Variants in SIDT1 observed in about 807,000 individuals in gnomAD.
SIDT1 encodes the protein SID1 transmembrane family member 1.
A neutral mutation model predicts 107.5 loss-of-function variants in SIDT1; 101 were observed. The observed-to-expected ratio is 0.94, with a 90% CI of 0.80 to 1.11. SIDT1 has a LOEUF of 1.11. Ranked by LOEUF, SIDT1 falls within the 50% of genes least tolerant of loss-of-function variation. The probability of loss-of-function intolerance (pLI) is 0.00; values close to 1 mark genes in which losing one functional copy is unlikely to be tolerated. For synonymous variants in SIDT1, 395 were observed against 398.2 expected, an observed-to-expected ratio of 0.99 and a Z score of 0.10; for missense variants, 1,076 against 1,058.2, an observed-to-expected ratio of 1.02 and a Z score of -0.23.
intron 4 of SIDT1, among the ~76,000 whole-genome samples, chr3:113,580,006 G>T (rs1025633389): frequency 1.3e-5 from 2 of 152,156 alleles, no homozygotes. Flanking sequence ...ACCTCAGCCT[G>T]CCCGCAATTG....
At chr3:113,546,536 A>G (rs1167183674) in intron 1 of SIDT1, among the ~76,000 whole-genome samples, 2 of 152,016 alleles carry the variant, frequency 1.3e-5, no homozygotes, top group African/African-American at 4.8e-5. Flanking sequence ...TAAGATTGCT[A>G]TCATGTTGAG....
chr3:113,551,935 G>A (rs957304368), intron 1 of SIDT1, among the ~76,000 whole-genome samples: 2 of 151,914 alleles, frequency 1.3e-5, no homozygotes, highest in African/African-American at 4.8e-5. Context: ...CGAGCAGTTG[G>A]CCTGTCTGTT....
intron 10 of SIDT1, among the ~76,000 whole-genome samples, chr3:113,600,155 C>A (rs1436867012): frequency 1.3e-5 from 2 of 151,808 alleles, no homozygotes; most frequent in Non-Finnish European, 2.9e-5. Flanking sequence ...ACTAAAAATA[C>A]AAAAATTAGC....
At chr3:113,554,266 T>C (rs1940595511) in intron 1 of SIDT1, among the ~76,000 whole-genome samples, 1 of 152,186 alleles carries the variant, frequency 6.6e-6, no homozygotes, top group Non-Finnish European at 1.5e-5. Flanking sequence ...CACGATTTAT[T>C]GCATGTTAAA....
At chr3:113,541,421 C>T (rs958322470) in intron 1 of SIDT1, among the ~76,000 whole-genome samples, 6 of 152,176 alleles carry the variant, frequency 3.9e-5, no homozygotes, top group Admixed American at 6.5e-5. Context: ...CCGCCCACCT[C>T]GGTCTTCCAA....
chr3:113,556,104 G>T (rs996056113), intron 1 of SIDT1, among the ~76,000 whole-genome samples: 31 of 152,130 alleles, frequency 2.0e-4, no homozygotes, highest in African/African-American at 6.5e-4. Flanking sequence ...AACCGAGGGC[G>T]AGATAATTTA....
intron 1 of SIDT1, among the ~76,000 whole-genome samples, chr3:113,565,288 T>C (rs527499184): frequency 5.3e-5 from 8 of 152,198 alleles, no homozygotes; most frequent in African/African-American, 1.9e-4. Flanking sequence ...TCCCAGCACT[T>C]TGGGAGGCTG....
intron 1 of SIDT1, among the ~76,000 whole-genome samples, chr3:113,565,868 C>G (rs1327353103): frequency 6.6e-6 from 1 of 152,054 alleles, no homozygotes; most frequent in Non-Finnish European, 1.5e-5. Context: ...GATTTACCAA[C>G]CCAAAATTGA....
At chr3:113,605,124 CTTTTT>C (rs5851901) in intron 14 of SIDT1, 148 bp downstream of exon 14, 555 of 346,482 alleles carry the variant, frequency 1.6e-3, no homozygotes, top group Non-Finnish European at 1.9e-3. Context: ...ATTGCTTCCT[CTTTTT>C]TTTTTTTTTT....
intron 1 of SIDT1, among the ~76,000 whole-genome samples, chr3:113,536,952 A>C (rs6780755): frequency 0.13 from 20,228 of 152,240 alleles, 1,857 homozygotes; most frequent in African/African-American, 0.26. Context: ...AAGGAAACTA[A>C]CTTGTTGGGA....
chr3:113,560,146 T>C (rs1336181720), intron 1 of SIDT1, among the ~76,000 whole-genome samples: 1 of 152,162 alleles, frequency 6.6e-6, no homozygotes, highest in African/African-American at 2.4e-5. Flanking sequence ...ATGGTCTCCC[T>C]AAGCGCCTTC....
rs892932931 is a variant in SIDT1 at position 113,629,115 on chromosome 3, G to T, written c.*1407G>T. The T allele has an allele frequency of 1.3e-5, 2 of 152,212 alleles. No individual in the cohort carries two copies. Among genetic ancestry groups the T allele is most frequent in the Non-Finnish European group, 2.9e-5 (2 of 68,044 alleles). 9.4% of individuals were successfully genotyped at this position (152,212 alleles called of 1,614,324 possible). Reference sequence around the variant, plus strand: ...TCTGCTTTCCTGATCATTCGTTAGAGAAATGGATCAGGCATTTTTTTAAAT... The same window carrying T: ...TCTGCTTTCCTGATCATTCGTTAGATAAATGGATCAGGCATTTTTTTAAAT... On this transcript the variant is annotated 3_prime_UTR_variant, in exon 25 of 25. Transcript: ENST00000264852.
intron 11 of SIDT1, 105 bp downstream of exon 11, chr3:113,601,764 T>A: frequency 2.8e-6 from 2 of 703,694 alleles, no homozygotes; most frequent in South Asian, 3.9e-5. Flanking sequence ...GCAAAGCAGC[T>A]ATCCTATGAG....
At chr3:113,569,318 C>T (rs1337418777) in intron 3 of SIDT1, among the ~76,000 whole-genome samples, 1 of 152,034 alleles carries the variant, frequency 6.6e-6, no homozygotes, top group Non-Finnish European at 1.5e-5. Flanking sequence ...CAAATATATG[C>T]TTATAACTGC....
rs1216223649 is a variant in SIDT1, at chr3:113,628,951, T to C, written c.*1243T>C. ...CAGCATCTGGGTTCCACTCTCACAC[T>C]GTCTGGCAGCTCTGTGTCTGAGAAG... On this transcript the variant is annotated 3_prime_UTR_variant, in exon 25 of 25. Transcript: ENST00000264852. 2 of 152,252 alleles carry C rather than the reference T, an allele frequency of 1.3e-5. No homozygotes were observed. The highest frequency in any genetic ancestry group is 6.5e-5 in the Admixed American group (1 of 15,286). The allele number at this position is 152,252 out of a possible 1,614,324, so 9.4% of individuals were successfully genotyped here.
intron 18 of SIDT1, among the ~76,000 whole-genome samples, 184 bp from the exon 19 acceptor site, chr3:113,611,902 C>A (rs1022678190): frequency 1.4e-5 from 2 of 140,606 alleles, no homozygotes; most frequent in African/African-American, 5.6e-5. Context: ...TTCATTTGGC[C>A]CAGTAGCCTT....
At chr3:113,633,744 C>T (rs57838601), downstream of SIDT1, among the ~76,000 whole-genome samples, 79 of 152,198 alleles carry the variant, frequency 5.2e-4, no homozygotes, top group East Asian at 0.013. Flanking sequence ...TGCAGAAGGC[C>T]GTTTCAGTGT....
intron 18 of SIDT1, 60 bp downstream of exon 18, chr3:113,611,204 C>A: frequency 1.3e-6 from 2 of 1,576,454 alleles, no homozygotes; most frequent in South Asian, 1.1e-5. Context: ...GTCCAATAAA[C>A]AAACAACAAT....
At chr3:113,551,326 A>G (rs1295206146) in intron 1 of SIDT1, among the ~76,000 whole-genome samples, 1 of 152,148 alleles carries the variant, frequency 6.6e-6, no homozygotes, top group African/African-American at 2.4e-5. Context: ...TTGAGGTTCA[A>G]AGTACCTTTT....
Sources: gnomAD v4.1 joint callset for allele counts (sites outside exome capture counted in the v4.1 genomes callset) on GRCh38, gnomAD v4.1.1 for gene constraint, MANE v1.5 for transcripts, NCBI Gene and HGNC (gene_info 2026-07-23, HGNC 2026-07-21) for gene names.